The following RREB1 variants were observed in gnomAD, a reference collection of about 807,000 sequenced individuals.
RREB1 encodes the protein ras responsive element binding protein 1, also known as ras-responsive element-binding protein 1.
Under a neutral mutation model 117.8 loss-of-function variants are expected in RREB1, and 27 were observed. The ratio of observed to expected loss-of-function variants is 0.23; its 90% confidence interval spans 0.17 to 0.32. The LOEUF (loss-of-function observed/expected upper bound fraction) is 0.32, where lower values mean the gene tolerates loss of function less well. RREB1 is among the 10% of genes least tolerant of loss of function. The probability of loss-of-function intolerance (pLI) is 1.00; values close to 1 mark genes in which losing one functional copy is unlikely to be tolerated. For missense variants in RREB1, 2,577 were observed against 2,378.2 expected (o/e 1.08, Z -1.74); for synonymous variants, 1,298 against 1,026.7 (o/e 1.26, Z -5.05).
intron 1 of RREB1, among the ~76,000 whole-genome samples, chr6:7,122,252 C>G (rs1480389414): frequency 6.6e-6 from 1 of 152,026 alleles, no homozygotes; most frequent in Non-Finnish European, 1.5e-5. Flanking sequence ...ATTTCCATCT[C>G]TCTCTCATTT....
intron 10 of RREB1, among the ~76,000 whole-genome samples, chr6:7,233,648 T>C (rs1455652752): frequency 1.3e-5 from 2 of 152,220 alleles, no homozygotes; most frequent in African/African-American, 4.8e-5. Context: ...TTGTGGGTTT[T>C]TCTTTTTGCG....
At chr6:7,157,826 C>T (rs1479594120) in intron 1 of RREB1, among the ~76,000 whole-genome samples, 1 of 152,050 alleles carries the variant, frequency 6.6e-6, no homozygotes, top group Non-Finnish European at 1.5e-5. Context: ...TTCCTCTTTG[C>T]TCTTTCATCC....
chr6:7,178,374 A>C (rs2113521232), intron 2 of RREB1, among the ~76,000 whole-genome samples: 1 of 152,336 alleles, frequency 6.6e-6, no homozygotes, highest in East Asian at 1.9e-4. Flanking sequence ...CTGTTGTTCC[A>C]AAATTGTCCA....
chr6:7,176,009 C>T (rs1764481146), intron 1 of RREB1, among the ~76,000 whole-genome samples: 1 of 152,210 alleles, frequency 6.6e-6, no homozygotes, highest in Non-Finnish European at 1.5e-5. Context: ...CCTCTGCCTC[C>T]TGGGCTTAAG....
At chr6:7,165,536 G>A (rs184455860) in intron 1 of RREB1, among the ~76,000 whole-genome samples, 3 of 152,248 alleles carry the variant, frequency 2.0e-5, no homozygotes, top group African/African-American at 7.2e-5. Context: ...ACTGGTAGAG[G>A]TAGGCTTTTG....
chr6:7,132,337 G>A (rs1561734850), intron 1 of RREB1, among the ~76,000 whole-genome samples: 1 of 150,026 alleles, frequency 6.7e-6, no homozygotes, highest in African/African-American at 2.4e-5. Flanking sequence ...TTGCAGATGT[G>A]AGCCACCGTG....
At chr6:7,197,971 A>G (rs1318792764) in intron 6 of RREB1, among the ~76,000 whole-genome samples, 2 of 152,194 alleles carry the variant, frequency 1.3e-5, no homozygotes, top group African/African-American at 4.8e-5. Flanking sequence ...TTGGCGCACA[A>G]CTGCAGTTGG....
intron 1 of RREB1, among the ~76,000 whole-genome samples, chr6:7,148,292 A>G (rs1040055869): frequency 2.0e-5 from 3 of 152,108 alleles, no homozygotes; most frequent in Admixed American, 1.3e-4. Flanking sequence ...TCTGAGGCCA[A>G]TGTTGGGGAT....
intron 12 of RREB1, among the ~76,000 whole-genome samples, chr6:7,247,923 C>G (rs935999408): frequency 6.6e-6 from 1 of 152,204 alleles, no homozygotes; most frequent in East Asian, 1.9e-4. Flanking sequence ...AGCTGCAGCC[C>G]GCAGTGAACA....
At chr6:7,138,043 GTTAA>G (rs1335662018) in intron 1 of RREB1, among the ~76,000 whole-genome samples, 2 of 152,214 alleles carry the variant, frequency 1.3e-5, no homozygotes, top group East Asian at 1.9e-4. Context: ...AAAAGCATTA[GTTAA>G]TTAGACTTTT....
chr6:7,210,465 A>G (rs191092841), intron 6 of RREB1, among the ~76,000 whole-genome samples: 3 of 152,340 alleles, frequency 2.0e-5, no homozygotes, highest in South Asian at 2.1e-4. Flanking sequence ...TCTTTATTCT[A>G]TAGAATTCCA....
intron 8 of RREB1, among the ~76,000 whole-genome samples, chr6:7,226,181 C>G (rs1767575214): frequency 6.6e-6 from 1 of 152,140 alleles, no homozygotes; most frequent in Non-Finnish European, 1.5e-5. Context: ...TTCAGGATCC[C>G]AGCTGTCTTC....
chr6:7,230,627 G>A lies in RREB1; in HGVS notation c.2528G>A (p.Gly843Glu). ...GAGGCGCCGGCCGCTGAGGCGTCGG[G>A]GCGCGGGGAGGACAGTGGCTGCGCT... ...PAEAPAAEAS[G>E]RGEDSGCAAL... The change falls in exon 10 of 13, where the codon GGG becomes GAG. Residue 843 changes from glycine to glutamate, a missense_variant. Coordinates refer to ENST00000379938, the MANE Select transcript of RREB1 (RefSeq NM_001003699.4). 6.2e-7 allele frequency: 1 copy of A among 1,604,140 alleles called. No individual in the cohort carries two copies. Among genetic ancestry groups the A allele is most frequent in the Non-Finnish European group, 8.5e-7 (1 of 1,175,684 alleles).
chr6:7,135,802 T>C (rs1314086686), intron 1 of RREB1, among the ~76,000 whole-genome samples: 1 of 152,192 alleles, frequency 6.6e-6, no homozygotes, highest in Non-Finnish European at 1.5e-5. Context: ...CTAGGGGACT[T>C]AGCAAAACAG....
intron 6 of RREB1, among the ~76,000 whole-genome samples, chr6:7,199,160 G>C (rs1246363752): frequency 2.0e-5 from 3 of 152,168 alleles, no homozygotes; most frequent in Non-Finnish European, 4.4e-5. Flanking sequence ...TGAGTCCTCT[G>C]ATAGCTCCGC....
intron 5 of RREB1, 70 bp downstream of exon 5, chr6:7,187,593 C>A (rs377431812): frequency 2.0e-6 from 1 of 489,574 alleles, no homozygotes; most frequent in Non-Finnish European, 2.9e-6. Context: ...TTATTTTAGT[C>A]AAGTGCAGTA....
chr6:7,168,935 G>A (rs974545971), intron 1 of RREB1, among the ~76,000 whole-genome samples: 2 of 147,584 alleles, frequency 1.4e-5, no homozygotes, highest in Non-Finnish European at 3.1e-5. Flanking sequence ...AAGATGTGGG[G>A]GAGGATTAAA....
chr6:7,119,590 G>A (rs867317064), intron 1 of RREB1, among the ~76,000 whole-genome samples: 2 of 152,092 alleles, frequency 1.3e-5, no homozygotes, highest in South Asian at 2.1e-4. Flanking sequence ...AGAGGTGTGC[G>A]TCCAGGAAAA....
At position 7,240,581 on chromosome 6, in the gene RREB1, G is replaced by A. The variant is rs758254147; in HGVS notation, c.3952G>A (p.Val1318Ile). ...TATCCCCCAGTCAAAAGAGAGTGAT[G>A]TTGGATCCCATGATAGCACAGGTAG... ...GLIPQSKESD[V>I]GSHDSTDSQS... The change falls in exon 11 of 13, where the codon GTT becomes ATT. Residue 1318 changes from valine (V) to isoleucine (I), a missense_variant. Val to Ile is a conservative substitution (Grantham distance 29, BLOSUM62 3). Transcript: ENST00000379938. 8.1e-6 allele frequency: 13 copies of A among 1,613,540 alleles called. No homozygotes were observed. The South Asian group carries it at 1.3e-4, about 16-fold the overall frequency.
Sources: gnomAD v4.1 joint callset for allele counts (sites outside exome capture counted in the v4.1 genomes callset) on GRCh38, gnomAD v4.1.1 for gene constraint, MANE v1.5 for transcripts, NCBI Gene and HGNC (gene_info 2026-07-23, HGNC 2026-07-21) for gene names.